Variants in ARHGEF3 observed in about 807,000 individuals in gnomAD.
ARHGEF3 encodes 59.8 kDA protein.
Under a neutral mutation model 63.2 loss-of-function variants are expected in ARHGEF3, and 28 were observed. The ratio of observed to expected loss-of-function variants is 0.44; its 90% CI spans 0.33 to 0.61. ARHGEF3 has a LOEUF of 0.61. ARHGEF3 is among the 20% of genes least tolerant of loss of function. The pLI is 0.03. For synonymous variants in ARHGEF3, 266 were observed against 254.2 expected (o/e 1.05, Z -0.44); for missense variants, 533 against 659.3 (o/e 0.81, Z 2.10).
At chr3:56,732,572 A>T (rs2033250675) in intron 8 of ARHGEF3, 148 bp from the exon 9 acceptor site, 1 of 907,114 alleles carries the variant, frequency 1.1e-6, no homozygotes, top group African/African-American at 1.7e-5. Flanking sequence ...AGGAGAACCA[A>T]AGTTGGGCAT....
At chr3:56,916,657 G>A (rs547957914) in intron 3 of ARHGEF3, among the ~76,000 whole-genome samples, 92 of 152,260 alleles carry the variant, frequency 6.0e-4, no homozygotes, top group African/African-American at 2.2e-3. Context: ...GTGCTCACTG[G>A]GTCCCCACCA....
chr3:56,832,442 A>G (rs1352121606), intron 4 of ARHGEF3, among the ~76,000 whole-genome samples: 1 of 152,158 alleles, frequency 6.6e-6, no homozygotes, highest in African/African-American at 2.4e-5. Context: ...TTTAATGGAT[A>G]AAAGAAATAA....
intron 7 of ARHGEF3, among the ~76,000 whole-genome samples, chr3:56,738,806 C>T (rs115235890): frequency 0.013 from 2,009 of 152,178 alleles, 21 homozygotes; most frequent in South Asian, 0.028. Context: ...CTCAATGACA[C>T]CAGGCCAGGC....
intron 4 of ARHGEF3, among the ~76,000 whole-genome samples, chr3:56,834,316 C>T (rs1017014858): frequency 2.0e-5 from 3 of 152,054 alleles, no homozygotes; most frequent in Non-Finnish European, 2.9e-5. Flanking sequence ...TTCACATTGG[C>T]ACTAGGTATG....
intron 1 of ARHGEF3, among the ~76,000 whole-genome samples, chr3:57,042,647 C>CATAA (rs1704234803): frequency 2.4e-5 from 2 of 82,744 alleles, no homozygotes; most frequent in African/African-American, 4.3e-5. Context: ...ACTGTATGTA[C>CATAA]ATAAATATAT....
At position 56,879,661 on chromosome 3, in the gene ARHGEF3, T is replaced by A. The variant is rs185495430; in HGVS notation, c.192+2631A>T. On this transcript the variant is annotated intron_variant, in intron 4 of 12. Transcript: ENST00000338458. Reference sequence around the variant, plus strand: ...ATTGGGACCCACCTTTTTTTTTTTTTAAAGATACTTTCCACTACACATAGA... The same window carrying A: ...ATTGGGACCCACCTTTTTTTTTTTTAAAAGATACTTTCCACTACACATAGA... Among the ~76,000 whole-genome samples, 360 of 151,812 alleles carry A rather than the reference T, an allele frequency of 2.4e-3. 1 individual carries two copies. Among genetic ancestry groups the A allele is most frequent in the African/African-American group, 8.4e-3 (347 of 41,400 alleles).
At chr3:56,991,654 G>A (rs111975919) in intron 2 of ARHGEF3, among the ~76,000 whole-genome samples, 20,127 of 152,132 alleles carry the variant, frequency 0.13, 1,862 homozygotes, top group Middle Eastern at 0.21. Context: ...TCGCTCTGTC[G>A]CCCAGGCTGG....
At chr3:56,915,395 G>A (rs771307351) in intron 3 of ARHGEF3, among the ~76,000 whole-genome samples, 3 of 152,106 alleles carry the variant, frequency 2.0e-5, no homozygotes, top group Admixed American at 1.3e-4. Flanking sequence ...GAGCCCGGGC[G>A]GTCAAGGTTG....
At position 56,958,961 on chromosome 3, in the gene ARHGEF3, C is replaced by T. The variant is rs572128966; in HGVS notation, c.63-72G>A. On this transcript the variant is annotated intron_variant, in intron 2 of 12. Transcript: ENST00000338458. ...CAGAGGAAGTCACTGCTTTCAAATG[C>T]AGGTTTATCAAAAAGAGAGATGCCT... The T allele has an allele frequency of 9.7e-6, 14 of 1,440,562 alleles. No homozygotes were observed. In the Admixed American group the frequency reaches 2.4e-4, roughly 24 times the overall value. 89.2% of individuals were successfully genotyped at this position (1,440,562 alleles called of 1,614,324 possible).
intron 4 of ARHGEF3, among the ~76,000 whole-genome samples, chr3:56,825,959 T>A (rs1162722296): frequency 6.6e-6 from 1 of 152,188 alleles, no homozygotes; most frequent in African/African-American, 2.4e-5. Context: ...CCCTTCCTTC[T>A]AGTAACTGGT....
At chr3:56,969,313 T>G (rs570101074) in intron 2 of ARHGEF3, among the ~76,000 whole-genome samples, 2 of 114,266 alleles carry the variant, frequency 1.8e-5, no homozygotes, top group Admixed American at 2.1e-4. Flanking sequence ...ATTATATTTG[T>G]AGTTCCTCTT....
rs1702253901 is a variant in ARHGEF3 at position 57,002,481 on chromosome 3, A to ATATATGT, written c.62+32606_62+32607insACATATA. ...TAAGCACTATATATATATATATGTT[A>ATATATGT]TATATATATATATATGTTATATATA... On this transcript the variant is annotated intron_variant, in intron 2 of 12. Transcript: ENST00000338458. 9.2e-4 allele frequency among the ~76,000 whole-genome samples: 18 copies of ATATATGT among 19,466 alleles called. 1 individual carries two copies. Among genetic ancestry groups the ATATATGT allele is most frequent in the African/African-American group, 2.7e-3 (18 of 6,586 alleles). The allele number at this position is 19,466 out of a possible 152,430, so 12.8% of individuals were successfully genotyped here. A position where few individuals can be genotyped will look rare whatever the true frequency, so the allele number is the denominator to read the frequency against.
intron 1 of ARHGEF3, among the ~76,000 whole-genome samples, chr3:56,789,796 T>C (rs1469217736): frequency 6.6e-6 from 1 of 152,158 alleles, no homozygotes; most frequent in East Asian, 1.9e-4. Flanking sequence ...AAAATCACTA[T>C]CACCTGCCAT....
chr3:56,821,692 C>T (rs2038499129), intron 4 of ARHGEF3, among the ~76,000 whole-genome samples: 1 of 152,026 alleles, frequency 6.6e-6, no homozygotes, highest in Admixed American at 6.6e-5. Context: ...AATCCAATGG[C>T]TGGGCTCACA....
intron 3 of ARHGEF3, among the ~76,000 whole-genome samples, chr3:56,900,377 G>A (rs1578796820): frequency 6.6e-6 from 1 of 152,190 alleles, no homozygotes; most frequent in Non-Finnish European, 1.5e-5. Flanking sequence ...GCTCACACCC[G>A]TAATCCCAGC....
intron 1 of ARHGEF3, among the ~76,000 whole-genome samples, chr3:57,059,436 C>T (rs1705100567): frequency 7.2e-6 from 1 of 139,322 alleles, no homozygotes; most frequent in African/African-American, 2.7e-5. Flanking sequence ...TATTGGGCCA[C>T]ATGTTAGACA....
intron 4 of ARHGEF3, among the ~76,000 whole-genome samples, chr3:56,865,580 C>T (rs2040220964): frequency 6.6e-6 from 1 of 152,188 alleles, no homozygotes. Flanking sequence ...TTTCTCTCCT[C>T]TATGGAAGTT....
intron 1 of ARHGEF3, among the ~76,000 whole-genome samples, chr3:56,786,005 A>G (rs920073001): frequency 2.0e-5 from 3 of 152,196 alleles, no homozygotes; most frequent in African/African-American, 7.2e-5. Context: ...AAATATGTTC[A>G]AGATGCTCCC....
intron 2 of ARHGEF3, among the ~76,000 whole-genome samples, chr3:56,769,650 A>G (rs2035900497): frequency 6.6e-6 from 1 of 152,228 alleles, no homozygotes; most frequent in Admixed American, 6.5e-5. Context: ...CTGCCAGCCC[A>G]GAGCTCTCCT....
Sources: gnomAD v4.1 joint callset for allele counts (sites outside exome capture counted in the v4.1 genomes callset) on GRCh38, gnomAD v4.1.1 for gene constraint, MANE v1.5 for transcripts, NCBI Gene and HGNC (gene_info 2026-07-23, HGNC 2026-07-21) for gene names.